Variants in TMX2 observed in about 807,000 individuals in gnomAD.
TMX2 encodes the protein thioredoxin related transmembrane protein 2.
Under a neutral mutation model 33.4 loss-of-function variants are expected in TMX2, and 20 were observed. That is an observed-to-expected ratio of 0.60 (90% confidence interval 0.42 to 0.87). The LOEUF is 0.87. Ranked by LOEUF, TMX2 falls within the 40% of genes least tolerant of loss-of-function variation. The probability of loss-of-function intolerance (pLI) is 0.00; values close to 1 mark genes in which losing one functional copy is unlikely to be tolerated. For missense variants in TMX2, 340 were observed against 370.7 expected (o/e 0.92, Z 0.68); for synonymous variants, 166 against 140.7 (o/e 1.18, Z -1.27).
chr11:57,739,641 C>T (rs913929008), intron 7 of TMX2, among the ~76,000 whole-genome samples: 14 of 151,984 alleles, frequency 9.2e-5, no homozygotes, highest in African/African-American at 3.1e-4. Context: ...CCTATAATGC[C>T]AGCTATTTGG....
chr11:57,718,904 C>T (rs971090549), intron 1 of TMX2, among the ~76,000 whole-genome samples: 1 of 151,654 alleles, frequency 6.6e-6, no homozygotes, highest in Non-Finnish European at 1.5e-5. Context: ...ATCCGCCCGC[C>T]TTGGCCTCCC....
intron 1 of TMX2, among the ~76,000 whole-genome samples, chr11:57,716,866 C>T (rs1054497769): frequency 4.4e-4 from 65 of 149,282 alleles, no homozygotes; most frequent in Non-Finnish European, 7.6e-4. Flanking sequence ...CCCTCCTGGA[C>T]GGGGCGGCTG....
At chr11:57,739,424 T>A (rs1338097683) in intron 7 of TMX2, among the ~76,000 whole-genome samples, 164 bp downstream of exon 7, 1 of 152,222 alleles carries the variant, frequency 6.6e-6, no homozygotes, top group Admixed American at 6.5e-5. Flanking sequence ...ATATATATTA[T>A]GTGCAGACCT....
intron 1 of TMX2, among the ~76,000 whole-genome samples, chr11:57,730,518 T>C (rs1440860520): frequency 2.2e-5 from 3 of 138,786 alleles, no homozygotes; most frequent in Admixed American, 7.3e-5. Flanking sequence ...GGGCAGATCA[T>C]CTGAGGTCAG....
At chr11:57,739,391 T>A in intron 7 of TMX2, 131 bp downstream of exon 7, 4 of 834,628 alleles carry the variant, frequency 4.8e-6, no homozygotes, top group Non-Finnish European at 7.7e-6. Context: ...TTACTAGACC[T>A]CATGTTTTAA....
intron 1 of TMX2, among the ~76,000 whole-genome samples, chr11:57,717,645 T>G (rs909207119): frequency 1.4e-5 from 2 of 146,362 alleles, no homozygotes; most frequent in Non-Finnish European, 3.0e-5. Context: ...TGAGCCGAGA[T>G]GGCAGCAGTA....
chr11:57,716,299 C>G (rs1353492641), intron 1 of TMX2, among the ~76,000 whole-genome samples: 1 of 134,188 alleles, frequency 7.5e-6, no homozygotes, highest in African/African-American at 2.8e-5. Flanking sequence ...GTGGGGCTGA[C>G]CCCCCCACCT....
chr11:57,725,715 C>T (rs932728025), intron 1 of TMX2, among the ~76,000 whole-genome samples: 6 of 151,308 alleles, frequency 4.0e-5, no homozygotes, highest in South Asian at 2.1e-4. Context: ...CCAGCCTGGG[C>T]GACAGAGTGA....
chr11:57,714,454 A>T (rs571807152), intron 1 of TMX2, among the ~76,000 whole-genome samples: 1 of 152,336 alleles, frequency 6.6e-6, no homozygotes, highest in Non-Finnish European at 1.5e-5. Context: ...AATTGGGAAG[A>T]TTAATAGCAA....
intron 7 of TMX2, 80 bp from the exon 8 acceptor site, chr11:57,740,017 TTG>T: frequency 6.3e-7 from 1 of 1,590,860 alleles, no homozygotes; most frequent in Non-Finnish European, 8.6e-7. Context: ...TTCCCAGACT[TTG>T]TGTAAAATAC....
chr11:57,732,677 T>C (rs1356751243), intron 1 of TMX2, among the ~76,000 whole-genome samples: 2 of 152,236 alleles, frequency 1.3e-5, no homozygotes, highest in African/African-American at 4.8e-5. Flanking sequence ...TTTACCTTGC[T>C]GATTGGGACT....
intron 1 of TMX2, among the ~76,000 whole-genome samples, chr11:57,715,267 G>A (rs1946897365): frequency 6.6e-6 from 1 of 152,064 alleles, no homozygotes; most frequent in African/African-American, 2.4e-5. Context: ...TGGGTGTGGT[G>A]GTGGGTGCCT....
rs769263537 is a variant in TMX2 at position 57,737,898 on chromosome 11, A to T, written c.251-15A>T. 1 of 1,614,218 alleles carries T rather than the reference A, an allele frequency of 6.2e-7. No individual in the cohort carries two copies. The highest frequency in any genetic ancestry group is 2.2e-5 in the East Asian group (1 of 44,888). On this transcript the variant is annotated splice_polypyrimidine_tract_variant and intron_variant, in intron 2 of 7. Coordinates refer to ENST00000278422, the MANE Select transcript of TMX2 (RefSeq NM_015959.4). ...TGCACAGCCCAGCCTGACCTGTGAC[A>T]TCTCTGTGTTTCAGTCACTGTGGAG...
Position 57,739,208 on chromosome 11 carries a change from G to T in TMX2, c.692G>T (p.Arg231Leu), listed in dbSNP as rs775003534. Residue 231 changes from arginine (R) to leucine (L), a missense_variant, in exon 7 of 8, where the codon CGG becomes CTG. This residue lies in a region of TMX2 where 209 missense variants were observed against 241.6 expected (regional missense o/e 0.87). Transcript: ENST00000278422. The part of the protein sequence containing the change: ...ILFQGGKEAM[R>L]RPQIDKKGRA... ...TTCCAAGGTGGCAAGGAGGCAATGC[G>T]GCGGCCACAGATTGACAAGAAAGGA... The T allele has an allele frequency of 6.2e-7, 1 of 1,613,938 alleles. No individual in the cohort carries two copies. The highest frequency in any genetic ancestry group is 1.3e-5 in the African/African-American group (1 of 74,848).
At chr11:57,732,367 C>T (rs1032205400) in intron 1 of TMX2, among the ~76,000 whole-genome samples, 1 of 152,176 alleles carries the variant, frequency 6.6e-6, no homozygotes, top group Non-Finnish European at 1.5e-5. Context: ...CCTTTTCCTG[C>T]TTCCTCTTTT....
chr11:57,719,566 G>A (rs1947444472), intron 1 of TMX2, among the ~76,000 whole-genome samples: 1 of 128,550 alleles, frequency 7.8e-6, no homozygotes, highest in African/African-American at 2.9e-5. Context: ...TGTTGCCCAG[G>A]CTGGAGTGCA....
intron 1 of TMX2, among the ~76,000 whole-genome samples, chr11:57,715,334 G>A (rs770449869): frequency 6.6e-6 from 1 of 152,158 alleles, no homozygotes; most frequent in Non-Finnish European, 1.5e-5. Flanking sequence ...CTGAGAGGCA[G>A]AGGTTGCAGT....
intron 1 of TMX2, among the ~76,000 whole-genome samples, chr11:57,734,783 T>A (rs1948638201): frequency 6.6e-6 from 1 of 151,718 alleles, no homozygotes; most frequent in African/African-American, 2.4e-5. Flanking sequence ...TAAAAATAAA[T>A]AAAATTAATC....
chr11:57,722,721 C>G (rs1047799936), intron 1 of TMX2, among the ~76,000 whole-genome samples: 2 of 151,836 alleles, frequency 1.3e-5, no homozygotes. Context: ...ATTTAAAAAT[C>G]TTAAAGTCAT....
Sources: gnomAD v4.1 joint callset for allele counts (sites outside exome capture counted in the v4.1 genomes callset) on GRCh38, gnomAD v4.1.1 for gene constraint, gnomAD v4.1.1 regional missense constraint, MANE v1.5 for transcripts, NCBI Gene and HGNC (gene_info 2026-07-23, HGNC 2026-07-21) for gene names.